The following LRRC37A2 variants were observed in gnomAD, a reference collection of about 807,000 sequenced individuals.
LRRC37A2 encodes leucine-rich repeat-containing protein 37A2.
In LRRC37A2, 9 loss-of-function variants were observed where a neutral mutation model predicts 68.8. The observed-to-expected ratio is 0.13, with a 90% CI of 0.08 to 0.23. The LOEUF (loss-of-function observed/expected upper bound fraction) is 0.23. Ranked by LOEUF, LRRC37A2 falls within the 10% of genes least tolerant of loss-of-function variation. The pLI is 1.00. For missense variants in LRRC37A2, 168 were observed against 950.4 expected (o/e 0.18, Z 10.82); for synonymous variants, 63 against 367.6 (o/e 0.17, Z 9.48).
the LRRC37A2 span, among the ~76,000 whole-genome samples, chr17:46,382,405 G>C: frequency 1.5e-5 from 1 of 67,230 alleles, no homozygotes; most frequent in Admixed American, 1.4e-4. Flanking sequence ...TTGGTGGCCT[G>C]GGCTGGAGTG....
At chr17:46,956,960 C>A in the LRRC37A2 span, among the ~76,000 whole-genome samples, 5 of 152,224 alleles carry the variant, frequency 3.3e-5, no homozygotes, top group African/African-American at 1.2e-4. Flanking sequence ...GGAAAAATAG[C>A]TGCATAAAGG....
the LRRC37A2 span, chr17:46,929,687 C>T: frequency 3.7e-5 from 27 of 724,852 alleles, no homozygotes; most frequent in African/African-American, 2.3e-4. Context: ...AATGATTCAG[C>T]GTGGAATGAG....
chr17:46,936,312 C>T, the LRRC37A2 span: 1 of 984,942 alleles, frequency 1.0e-6, no homozygotes, highest in Non-Finnish European at 1.2e-6. Context: ...TGATGAAGAG[C>T]CAGTGGGGGT....
chr17:46,543,565 G>A (rs1433481861), intron 8 of LRRC37A2, among the ~76,000 whole-genome samples: 1 of 150,896 alleles, frequency 6.6e-6, no homozygotes, highest in Non-Finnish European at 1.5e-5. Flanking sequence ...TTATGTCAGA[G>A]AATGCCTTGG....
At chr17:46,821,856 A>C in the LRRC37A2 span, among the ~76,000 whole-genome samples, 1 of 151,610 alleles carries the variant, frequency 6.6e-6, no homozygotes. Flanking sequence ...GCTCCACTGG[A>C]CCCCCTGCGG....
At chr17:46,860,915 A>G in the LRRC37A2 span, among the ~76,000 whole-genome samples, 1 of 152,192 alleles carries the variant, frequency 6.6e-6, no homozygotes, top group Admixed American at 6.5e-5. Context: ...CTAGAGTGCA[A>G]TGGCTTGATC....
the LRRC37A2 span, among the ~76,000 whole-genome samples, chr17:46,812,658 T>A: frequency 5.2e-3 from 799 of 152,256 alleles, 5 homozygotes; most frequent in African/African-American, 0.018. Flanking sequence ...GAGATTAGCC[T>A]GGCCCAGCAC....
chr17:46,724,768 T>G, the LRRC37A2 span, among the ~76,000 whole-genome samples: 2 of 152,148 alleles, frequency 1.3e-5, no homozygotes, highest in East Asian at 3.9e-4. Context: ...TTCAAAAATA[T>G]TTGTTGAGTG....
the LRRC37A2 span, among the ~76,000 whole-genome samples, chr17:46,806,979 C>T: frequency 6.6e-6 from 1 of 152,140 alleles, no homozygotes; most frequent in Non-Finnish European, 1.5e-5. Flanking sequence ...CCGTCGGCTT[C>T]CAAGGCAAGG....
At chr17:46,914,723 C>A in the LRRC37A2 span, among the ~76,000 whole-genome samples, 777 of 149,170 alleles carry the variant, frequency 5.2e-3, 9 homozygotes, top group African/African-American at 0.018. Context: ...CCAAGAGAAA[C>A]CACACAGATT....
chr17:46,901,933 G>A, the LRRC37A2 span, among the ~76,000 whole-genome samples: 5 of 150,962 alleles, frequency 3.3e-5, no homozygotes, highest in Admixed American at 1.3e-4. Flanking sequence ...TCAGCCTACC[G>A]AGTAGTTGGG....
At chr17:47,000,040 A>AAAT in the LRRC37A2 span, among the ~76,000 whole-genome samples, 149 of 25,770 alleles carry the variant, frequency 5.8e-3, 21 homozygotes, top group Non-Finnish European at 0.014. Flanking sequence ...AAATAAAATA[A>AAAT]AATAAAATAA....
the LRRC37A2 span, among the ~76,000 whole-genome samples, chr17:46,635,818 T>TGTGTGTGTGTGTGTGTGTGTGTGTGC: frequency 2.2e-5 from 3 of 138,360 alleles, no homozygotes; most frequent in African/African-American, 8.0e-5. Flanking sequence ...TGTGTGTGTG[T>TGTGTGTGTGTGTGTGTGTGTGTGTGC]GCTCGTGTGT....
the LRRC37A2 span, among the ~76,000 whole-genome samples, chr17:46,990,038 A>C: frequency 6.6e-6 from 1 of 152,238 alleles, no homozygotes; most frequent in Admixed American, 6.5e-5. Flanking sequence ...AAGATAAGCC[A>C]AAGTGGGCCA....
chr17:46,889,157 G>A, the LRRC37A2 span, among the ~76,000 whole-genome samples: 4 of 152,092 alleles, frequency 2.6e-5, no homozygotes, highest in Non-Finnish European at 5.9e-5. Context: ...AACCCATGGA[G>A]GCATGAATAA....
chr17:46,970,093 A>G, the LRRC37A2 span, among the ~76,000 whole-genome samples: 4 of 152,188 alleles, frequency 2.6e-5, no homozygotes, highest in African/African-American at 7.2e-5. Context: ...GTGCTGGAGG[A>G]TTAAGTAATG....
chr17:46,847,792 C>T, the LRRC37A2 span, among the ~76,000 whole-genome samples: 1 of 152,158 alleles, frequency 6.6e-6, no homozygotes, highest in East Asian at 1.9e-4. Context: ...TTGGGAGGCA[C>T]AGGAGATATG....
At chr17:46,813,657 C>T in the LRRC37A2 span, among the ~76,000 whole-genome samples, 1 of 152,060 alleles carries the variant, frequency 6.6e-6, no homozygotes, top group African/African-American at 2.4e-5. Context: ...TTCCCACTTC[C>T]TTTTCCCTGG....
chr17:47,027,096 A>G, the LRRC37A2 span, among the ~76,000 whole-genome samples: 1 of 152,082 alleles, frequency 6.6e-6, no homozygotes, highest in Admixed American at 6.6e-5. Context: ...ATTTTTTTGT[A>G]GAGACGGGGT....
Sources: allele counts gnomAD v4.1 joint callset (sites outside exome capture counted in the v4.1 genomes callset), GRCh38; gene constraint gnomAD v4.1.1; transcripts MANE v1.5; gene names NCBI Gene and HGNC (gene_info 2026-07-23, HGNC 2026-07-21).